TMEM74: variants seen among roughly 807,000 people sequenced by gnomAD.
The protein encoded by TMEM74 is transmembrane protein 74.
Under a neutral mutation model 18.1 loss-of-function variants are expected in TMEM74, and 13 were observed. The ratio of observed to expected loss-of-function variants is 0.72; its 90% CI spans 0.47 to 1.14. The LOEUF (loss-of-function observed/expected upper bound fraction) is 1.14, where lower values mean the gene tolerates loss of function less well. Among genes scored for constraint, TMEM74 ranks in the 50% most tolerant of loss-of-function variants. The pLI, the probability that TMEM74 is intolerant of heterozygous loss-of-function variation, is 0.00. For synonymous variants in TMEM74, 159 were observed against 146.6 expected (o/e 1.08, Z -0.61); for missense variants, 372 against 375.9 (o/e 0.99, Z 0.09).
chr8:108,670,662 C>G (rs897194983), intron 1 of TMEM74, among the ~76,000 whole-genome samples: 2 of 152,066 alleles, frequency 1.3e-5, no homozygotes, highest in Admixed American at 1.3e-4. Context: ...TAGTTATATA[C>G]GACATCTTTG....
intron 1 of TMEM74, among the ~76,000 whole-genome samples, chr8:108,786,222 C>T (rs1814383389): frequency 6.6e-6 from 1 of 152,200 alleles, no homozygotes. Flanking sequence ...TCCTCACCCC[C>T]GACTGCAGCA....
At chr8:108,659,254 A>AACACACACACACACACACACACACACAC (rs6150751) in intron 1 of TMEM74, among the ~76,000 whole-genome samples, 1 of 149,756 alleles carries the variant, frequency 6.7e-6, no homozygotes, top group African/African-American at 2.5e-5. Context: ...ATAGCCCACT[A>AACACACACACACACACACACACACACAC]ACACACACAC....
intron 1 of TMEM74, among the ~76,000 whole-genome samples, chr8:108,700,713 T>C (rs1282482626): frequency 2.6e-5 from 4 of 152,206 alleles, no homozygotes; most frequent in East Asian, 1.9e-4. Context: ...GTTGAAATTC[T>C]GAGAAGCTGC....
chr8:108,695,700 T>G (rs547930055), intron 1 of TMEM74, among the ~76,000 whole-genome samples: 1 of 152,250 alleles, frequency 6.6e-6, no homozygotes, highest in South Asian at 2.1e-4. Context: ...TTGTGTATAG[T>G]GAAGTTTTCT....
intron 1 of TMEM74, among the ~76,000 whole-genome samples, chr8:108,689,067 T>C (rs182778481): frequency 8.5e-5 from 13 of 152,334 alleles, no homozygotes; most frequent in African/African-American, 2.9e-4. Context: ...TGCCCACTTA[T>C]CTTTTCATTA....
chr8:108,764,168 T>C (rs558818651), intron 1 of TMEM74, among the ~76,000 whole-genome samples: 12 of 152,266 alleles, frequency 7.9e-5, no homozygotes, highest in Admixed American at 4.6e-4. Context: ...GGAGAGGATG[T>C]CTCAATGGCA....
chr8:108,775,957 A>C (rs563502620), downstream of TMEM74, among the ~76,000 whole-genome samples: 1 of 152,226 alleles, frequency 6.6e-6, no homozygotes, highest in Non-Finnish European at 1.5e-5. Context: ...TCTTAATGTC[A>C]TTTGTATTCC....
chr8:108,727,075 C>G (rs1334399861), intron 1 of TMEM74, among the ~76,000 whole-genome samples: 3 of 151,980 alleles, frequency 2.0e-5, no homozygotes, highest in Admixed American at 2.0e-4. Context: ...GTTGAAAAAC[C>G]AGGGGGCCAT....
intron 2 of TMEM74, among the ~76,000 whole-genome samples, chr8:108,630,263 C>G (rs565205964): frequency 5.3e-5 from 8 of 152,058 alleles, no homozygotes; most frequent in African/African-American, 1.9e-4. Flanking sequence ...AGGATCAATG[C>G]AACTAGAAGA....
At chr8:108,659,384 A>G (rs143322088) in intron 1 of TMEM74, among the ~76,000 whole-genome samples, 21 of 152,190 alleles carry the variant, frequency 1.4e-4, no homozygotes, top group African/African-American at 4.6e-4. Context: ...TTTGTTTCCT[A>G]TGAAATGATC....
At chr8:108,738,576 G>A (rs1010656950) in intron 1 of TMEM74, among the ~76,000 whole-genome samples, 1 of 152,124 alleles carries the variant, frequency 6.6e-6, no homozygotes, top group Non-Finnish European at 1.5e-5. Context: ...ATGAAAGCCA[G>A]GGGAGCAAGG....
At chr8:108,683,765 C>A (rs1376849263) in intron 1 of TMEM74, among the ~76,000 whole-genome samples, 3 of 151,942 alleles carry the variant, frequency 2.0e-5, no homozygotes, top group African/African-American at 7.2e-5. Flanking sequence ...TCCCTCTACC[C>A]TTCCCAGTCT....
intron 2 of TMEM74, among the ~76,000 whole-genome samples, chr8:108,633,193 T>C (rs1363831642): frequency 6.6e-6 from 1 of 151,978 alleles, no homozygotes; most frequent in Non-Finnish European, 1.5e-5. Flanking sequence ...CCCCCACCAT[T>C]TTATACTTGT....
At chr8:108,628,886 A>G (rs1812522410) in intron 2 of TMEM74, among the ~76,000 whole-genome samples, 1 of 152,044 alleles carries the variant, frequency 6.6e-6, no homozygotes. Context: ...ATGACCAGTG[A>G]TGGTGAGATT....
intron 2 of TMEM74, among the ~76,000 whole-genome samples, chr8:108,617,837 G>GAAA (rs1203098065): frequency 6.6e-6 from 1 of 152,034 alleles, no homozygotes; most frequent in Non-Finnish European, 1.5e-5. Context: ...CTAATTTCAA[G>GAAA]AAAAGTTTAC....
chr8:108,637,730 A>G (rs1324130905), intron 2 of TMEM74, among the ~76,000 whole-genome samples: 1 of 152,178 alleles, frequency 6.6e-6, no homozygotes, highest in Non-Finnish European at 1.5e-5. Context: ...CCTTTACTTT[A>G]GTACTTCTGA....
chr8:108,614,928 A>G (rs1359059475), intron 2 of TMEM74, among the ~76,000 whole-genome samples: 1 of 152,222 alleles, frequency 6.6e-6, no homozygotes, highest in Non-Finnish European at 1.5e-5. Flanking sequence ...TTTCAAGTAT[A>G]GAATTGTATG....
At chr8:108,774,756 ATTTTTTT>A (rs71305916), downstream of TMEM74, among the ~76,000 whole-genome samples, 8 of 121,222 alleles carry the variant, frequency 6.6e-5, 1 homozygote, top group Admixed American at 1.7e-4. Context: ...CCTTCCTTTA[ATTTTTTT>A]TTTTTTTTTT....
intron 1 of TMEM74, among the ~76,000 whole-genome samples, chr8:108,740,138 C>A (rs545461178): frequency 6.6e-6 from 1 of 152,112 alleles, no homozygotes. Context: ...AAGCAAACAG[C>A]CAGCAAGTCT....
Sources: gnomAD v4.1 joint callset for allele counts (sites outside exome capture counted in the v4.1 genomes callset) on GRCh38, gnomAD v4.1.1 for gene constraint, MANE v1.5 for transcripts, NCBI Gene and HGNC (gene_info 2026-07-23, HGNC 2026-07-21) for gene names.